Variants in NAALADL2 observed in about 807,000 individuals in gnomAD.
NAALADL2 encodes N-acetylated alpha-linked acidic dipeptidase like 2.
Under a neutral mutation model 87.2 loss-of-function variants are expected in NAALADL2, and 76 were observed. The observed-to-expected ratio is 0.87, with a 90% confidence interval of 0.72 to 1.05. The LOEUF (loss-of-function observed/expected upper bound fraction) is 1.05. NAALADL2 is among the 50% of genes least tolerant of loss of function. The pLI, the probability that NAALADL2 is intolerant of heterozygous loss-of-function variation, is 0.00. For missense variants in NAALADL2, 1,089 were observed against 945.8 expected (o/e 1.15, Z -1.99); for synonymous variants, 354 against 331.0 (o/e 1.07, Z -0.75).
At chr3:174,979,299 CTTTTCTTTTT>C (rs1207622146) in intron 1 of NAALADL2, among the ~76,000 whole-genome samples, 27 of 104,862 alleles carry the variant, frequency 2.6e-4, no homozygotes, top group Admixed American at 1.1e-3. Context: ...TTCTTTCTTT[CTTTTCTTTTT>C]TTTTTTTTTT....
intron 3 of NAALADL2, among the ~76,000 whole-genome samples, chr3:175,246,944 T>C (rs1462074936): frequency 6.6e-6 from 1 of 152,208 alleles, no homozygotes; most frequent in East Asian, 1.9e-4. Context: ...GCCAGCAGTC[T>C]TGTGGTCTCA....
intron 2 of NAALADL2, among the ~76,000 whole-genome samples, chr3:175,158,494 T>G (rs904306432): frequency 2.6e-5 from 4 of 152,080 alleles, no homozygotes; most frequent in Admixed American, 6.6e-5. Flanking sequence ...GAATAGAACT[T>G]TTGGATTCCA....
chr3:175,212,480 T>C (rs1463734564), intron 2 of NAALADL2, among the ~76,000 whole-genome samples: 1 of 152,086 alleles, frequency 6.6e-6, no homozygotes, highest in Non-Finnish European at 1.5e-5. Context: ...GGTAAAACAG[T>C]ACATCTTTCC....
chr3:175,320,349 G>A (rs777335908), intron 4 of NAALADL2, among the ~76,000 whole-genome samples: 24 of 151,890 alleles, frequency 1.6e-4, no homozygotes, highest in Admixed American at 3.3e-4. Flanking sequence ...GAATCTTTAC[G>A]TTAAATATGT....
chr3:174,621,068 T>C (rs1262484511), intron 2 of NAALADL2, among the ~76,000 whole-genome samples: 1 of 151,916 alleles, frequency 6.6e-6, no homozygotes, highest in Non-Finnish European at 1.5e-5. Flanking sequence ...TCTCAGCAGA[T>C]GGGTAGACAT....
At chr3:174,442,250 T>A (rs780541762) in intron 1 of NAALADL2, among the ~76,000 whole-genome samples, 26 of 152,144 alleles carry the variant, frequency 1.7e-4, no homozygotes, top group Non-Finnish European at 3.1e-4. Context: ...GAGGAAAAGC[T>A]TAAAAGGAAG....
intron 9 of NAALADL2, among the ~76,000 whole-genome samples, chr3:175,529,156 T>C (rs1445247916): frequency 6.6e-6 from 1 of 152,220 alleles, no homozygotes. Context: ...ATTCCATGCA[T>C]ACTCTTCCTT....
chr3:174,530,334 T>C (rs75546921), intron 1 of NAALADL2, among the ~76,000 whole-genome samples: 2,087 of 152,274 alleles, frequency 0.014, 48 homozygotes, highest in African/African-American at 0.048. Flanking sequence ...CTGGATTTCA[T>C]TGTCTATATC....
At chr3:175,301,916 T>C (rs1370425148) in intron 4 of NAALADL2, among the ~76,000 whole-genome samples, 6 of 152,170 alleles carry the variant, frequency 3.9e-5, no homozygotes, top group African/African-American at 7.2e-5. Flanking sequence ...GCCCTTCCAG[T>C]TGGGGACACC....
intron 5 of NAALADL2, among the ~76,000 whole-genome samples, chr3:175,443,023 T>G (rs897024931): frequency 6.6e-6 from 1 of 152,184 alleles, no homozygotes; most frequent in African/African-American, 2.4e-5. Context: ...CAAAACCTCT[T>G]AATAATGTAA....
intron 11 of NAALADL2, among the ~76,000 whole-genome samples, chr3:175,707,469 G>C (rs1468992570): frequency 1.3e-5 from 2 of 152,110 alleles, no homozygotes; most frequent in Non-Finnish European, 2.9e-5. Context: ...GCTTGCTCTA[G>C]ACAGTCACCT....
intron 1 of NAALADL2, among the ~76,000 whole-genome samples, chr3:174,962,265 G>A (rs538569150): frequency 1.3e-5 from 2 of 149,830 alleles, no homozygotes; most frequent in Admixed American, 1.3e-4. Context: ...GAACCACCCA[G>A]CTAAGTTGTT....
intron 13 of NAALADL2, among the ~76,000 whole-genome samples, chr3:175,778,652 T>G (rs1197941903): frequency 1.3e-5 from 2 of 152,218 alleles, no homozygotes; most frequent in East Asian, 3.8e-4. Context: ...CTAAGCACTT[T>G]ACATGTTTCA....
rs34002597 is a variant in NAALADL2, at chr3:175,698,483, T to TTA, written c.1897-38804_1897-38803dup. 5.0e-3 allele frequency among the ~76,000 whole-genome samples: 339 copies of TTA among 67,734 alleles called. 33 individuals carry two copies. The highest frequency in any genetic ancestry group is 0.016 in the East Asian group (57 of 3,596). The allele number at this position is 67,734 out of a possible 152,430, so 44.4% of individuals were successfully genotyped here. A position where few individuals can be genotyped will look rare whatever the true frequency, so the allele number is the denominator to read the frequency against. ...TGTGTATATATGTGTGTATATATAT[T>TTA]TATATATATATATATATATAAAATC... On this transcript the variant is annotated intron_variant, in intron 11 of 13. Transcript: ENST00000454872.
chr3:174,770,025 G>C (rs563669389), intron 3 of NAALADL2, among the ~76,000 whole-genome samples: 6 of 152,068 alleles, frequency 3.9e-5, no homozygotes, highest in Non-Finnish European at 7.4e-5. Context: ...TATCAATGAT[G>C]AAATTTTCTA....
chr3:174,814,263 C>CT (rs1720542673), intron 3 of NAALADL2, among the ~76,000 whole-genome samples: 1 of 152,014 alleles, frequency 6.6e-6, no homozygotes, highest in South Asian at 2.1e-4. Flanking sequence ...TGCCTACCGC[C>CT]ACGCCTGGCT....
At chr3:174,710,237 T>TC (rs1190788195) in intron 2 of NAALADL2, among the ~76,000 whole-genome samples, 1 of 151,034 alleles carries the variant, frequency 6.6e-6, no homozygotes, top group African/African-American at 2.4e-5. Flanking sequence ...CTCCTTTTTT[T>TC]TTTTTTTCTT....
At chr3:174,505,373 T>C (rs1001120328) in intron 1 of NAALADL2, among the ~76,000 whole-genome samples, 1 of 152,212 alleles carries the variant, frequency 6.6e-6, no homozygotes, top group Non-Finnish European at 1.5e-5. Flanking sequence ...TTCTAAGCGC[T>C]GATTATTTTT....
intron 10 of NAALADL2, among the ~76,000 whole-genome samples, chr3:175,593,224 T>C (rs1034637421): frequency 2.6e-5 from 4 of 152,150 alleles, no homozygotes; most frequent in African/African-American, 9.7e-5. Flanking sequence ...TGTGTTCTCA[T>C]TGAACAATTC....
Sources: gnomAD v4.1 joint callset for allele counts (sites outside exome capture counted in the v4.1 genomes callset) on GRCh38, gnomAD v4.1.1 for gene constraint, MANE v1.5 for transcripts, NCBI Gene and HGNC (gene_info 2026-07-23, HGNC 2026-07-21) for gene names.